TSGA10: variants seen among roughly 807,000 people sequenced by gnomAD.
The protein encoded by TSGA10 is testis-specific gene 10 protein.
Under a neutral mutation model 96.6 loss-of-function variants are expected in TSGA10, and 43 were observed. That is an observed-to-expected ratio of 0.44 (90% CI 0.35 to 0.57). The LOEUF (loss-of-function observed/expected upper bound fraction) is 0.57, where lower values mean the gene tolerates loss of function less well. TSGA10 is among the 20% of genes least tolerant of loss of function. TSGA10 has a pLI of 0.01. For missense variants in TSGA10, 703 were observed against 834.4 expected (o/e 0.84, Z 1.94); for synonymous variants, 229 against 269.9 (o/e 0.85, Z 1.48).
intron 5 of TSGA10, among the ~76,000 whole-genome samples, chr2:99,110,273 C>CTTGTAAGCA (rs2091684394): frequency 6.6e-6 from 1 of 152,200 alleles, no homozygotes; most frequent in South Asian, 2.1e-4. Context: ...ATATTCCATA[C>CTTGTAAGCA]TTGTAAGCAT....
intron 12 of TSGA10, among the ~76,000 whole-genome samples, chr2:99,077,020 C>T (rs914303465): frequency 1.3e-5 from 2 of 150,236 alleles, no homozygotes; most frequent in African/African-American, 2.4e-5. Context: ...CCAATTCCAA[C>T]AACACATTGT....
At chr2:99,086,602 T>C (rs937960027) in intron 10 of TSGA10, among the ~76,000 whole-genome samples, 4 of 152,298 alleles carry the variant, frequency 2.6e-5, no homozygotes, top group Non-Finnish European at 1.5e-5. Flanking sequence ...AATCTCATAA[T>C]AGGCATCTAT....
At chr2:99,112,797 G>A (rs1441596003) in intron 4 of TSGA10, among the ~76,000 whole-genome samples, 2 of 149,280 alleles carry the variant, frequency 1.3e-5, no homozygotes. Flanking sequence ...AGGGAATGTG[G>A]GGATGGGTAT....
chr2:99,031,014 CAA>C (rs947380894), intron 17 of TSGA10, among the ~76,000 whole-genome samples: 53 of 148,072 alleles, frequency 3.6e-4, no homozygotes, highest in African/African-American at 1.3e-3. Context: ...TGTGAAAAAT[CAA>C]AGAGATTAGA....
chr2:99,141,512 C>G (rs77606605), intron 1 of TSGA10: 1 of 156,004 alleles, frequency 6.4e-6, no homozygotes, highest in African/African-American at 2.4e-5. Context: ...ACCTGCCTGC[C>G]TTACAGGGCA....
At chr2:99,039,217 A>T (rs1407542113) in intron 16 of TSGA10, among the ~76,000 whole-genome samples, 3 of 151,988 alleles carry the variant, frequency 2.0e-5, no homozygotes. Flanking sequence ...GTCACACCTC[A>T]AGGAACTAGA....
rs192125510 is a variant in TSGA10 at position 99,151,896 on chromosome 2, A to T, written c.-621+2797T>A. On this transcript the variant is annotated intron_variant, in intron 1 of 20. Transcript: ENST00000393483. ...TGGAAATCTCTTTAATATTCATTTT[A>T]AAAGAGGAAAGGGCATCTTTTCCGG... 2.0e-3 allele frequency among the ~76,000 whole-genome samples: 299 copies of T among 152,334 alleles called. 8 individuals are homozygous for T. The highest frequency in any genetic ancestry group is 0.019 in the Admixed American group (296 of 15,300).
intron 11 of TSGA10, among the ~76,000 whole-genome samples, chr2:99,079,513 T>C (rs1263851610): frequency 6.6e-6 from 1 of 152,176 alleles, no homozygotes. Context: ...TCAGAAATTC[T>C]GGGGGAGGGC....
intron 10 of TSGA10, 49 bp from the exon 11 acceptor site, chr2:99,081,446 A>G (rs1407412601): frequency 9.4e-7 from 1 of 1,061,686 alleles, no homozygotes; most frequent in South Asian, 1.7e-5. Flanking sequence ...TTGTTTTGTC[A>G]TCTTGTAGTG....
intron 10 of TSGA10, among the ~76,000 whole-genome samples, chr2:99,084,075 A>T (rs2087920881): frequency 6.6e-6 from 1 of 152,226 alleles, no homozygotes; most frequent in African/African-American, 2.4e-5. Flanking sequence ...ACAAATTATG[A>T]AATTATTTTA....
At chr2:99,137,817 G>A (rs1265674158) in intron 1 of TSGA10, among the ~76,000 whole-genome samples, 1 of 151,676 alleles carries the variant, frequency 6.6e-6, no homozygotes, top group Non-Finnish European at 1.5e-5. Context: ...AAATTAGAAG[G>A]GATTTATTGC....
Position 99,073,046 on chromosome 2 carries a change from T to C in TSGA10, c.910A>G (p.Ile304Val), listed in dbSNP as rs1454459311. The C allele has an allele frequency of 9.3e-6, 15 of 1,608,202 alleles. No homozygotes were observed. Among genetic ancestry groups the C allele is most frequent in the Non-Finnish European group, 1.3e-5 (15 of 1,175,900 alleles). ...GATGCCTGTTCCATCTCAGCAATGA[T>C]ATTCTTCATGCCTGAAATGGTCTTT... ...KEKTISGMKN[I>V]IAEMEQASRQ... Residue 304 changes from isoleucine to valine, a missense_variant, in exon 13 of 21, where the codon ATC becomes GTC. By Grantham distance (29) the Ile-to-Val change is conservative. Coordinates refer to ENST00000393483, the MANE Select transcript of TSGA10 (RefSeq NM_025244.4).
chr2:99,045,284 A>G (rs1203322420), intron 16 of TSGA10, among the ~76,000 whole-genome samples: 1 of 152,188 alleles, frequency 6.6e-6, no homozygotes, highest in African/African-American at 2.4e-5. Context: ...CATAATTGTC[A>G]GATTCACCAA....
chr2:99,050,851 G>C (rs1293024714), intron 16 of TSGA10, among the ~76,000 whole-genome samples: 1 of 152,092 alleles, frequency 6.6e-6, no homozygotes, highest in East Asian at 1.9e-4. Context: ...TGATGGACCA[G>C]CACACATGAT....
intron 16 of TSGA10, among the ~76,000 whole-genome samples, chr2:99,040,250 T>C (rs2082062309): frequency 6.6e-6 from 1 of 152,164 alleles, no homozygotes. Flanking sequence ...TTCAACATAG[T>C]ACTGGAAGTC....
intron 20 of TSGA10, among the ~76,000 whole-genome samples, chr2:99,014,342 TTAA>T (rs894380516): frequency 2.0e-5 from 3 of 151,860 alleles, no homozygotes; most frequent in Non-Finnish European, 2.9e-5. Flanking sequence ...CTCAAAAAAA[TTAA>T]TAATAATTAT....
At chr2:99,108,808 T>C (rs753601229) in intron 7 of TSGA10, 25 bp downstream of exon 7, 17 of 1,485,102 alleles carry the variant, frequency 1.1e-5, no homozygotes, top group East Asian at 4.7e-5. Context: ...TTATTACTTA[T>C]ATAATTTGTT....
At chr2:99,098,419 A>G (rs2104749317) in intron 10 of TSGA10, among the ~76,000 whole-genome samples, 1 of 147,798 alleles carries the variant, frequency 6.8e-6, no homozygotes, top group East Asian at 2.0e-4. Context: ...AACCTGGGTG[A>G]CAGAGAGAGA....
chr2:99,128,607 A>T (rs543401802), intron 1 of TSGA10, among the ~76,000 whole-genome samples: 1 of 152,206 alleles, frequency 6.6e-6, no homozygotes, highest in Non-Finnish European at 1.5e-5. Context: ...CCACATGTTG[A>T]ATCATGCTGT....
Sources: gnomAD v4.1 joint callset for allele counts (sites outside exome capture counted in the v4.1 genomes callset) on GRCh38, gnomAD v4.1.1 for gene constraint, MANE v1.5 for transcripts, NCBI Gene and HGNC (gene_info 2026-07-23, HGNC 2026-07-21) for gene names.